NUMA1: variants seen among roughly 807,000 people sequenced by gnomAD.
The protein encoded by NUMA1 is nuclear mitotic apparatus protein 1, also known as SP-H antigen.
In NUMA1, 62 loss-of-function variants were observed where a neutral mutation model predicts 237.1. The observed-to-expected ratio is 0.26, with a 90% CI of 0.21 to 0.32. NUMA1 has a LOEUF of 0.32. Ranked by LOEUF, NUMA1 falls within the 10% of genes least tolerant of loss-of-function variation. NUMA1 has a pLI of 1.00. For missense variants in NUMA1, 2,533 were observed against 2,666.5 expected, an observed-to-expected ratio of 0.95 and a Z score of 1.10; for synonymous variants, 1,028 against 1,066.1, an observed-to-expected ratio of 0.96 and a Z score of 0.70.
chr11:72,045,810 A>G (rs1016440898), intron 2 of NUMA1, among the ~76,000 whole-genome samples: 4 of 152,172 alleles, frequency 2.6e-5, no homozygotes, highest in African/African-American at 7.2e-5. Context: ...GGCATTATCA[A>G]TGCTCCAGAA....
chr11:72,050,267 C>G (rs1220097278), intron 2 of NUMA1, among the ~76,000 whole-genome samples: 1 of 152,194 alleles, frequency 6.6e-6, no homozygotes, highest in Admixed American at 6.5e-5. Flanking sequence ...TTCTCCTCCC[C>G]ACCTCTCTAC....
chr11:72,022,509 T>C, intron 6 of NUMA1, 90 bp from the exon 7 acceptor site: 2 of 799,280 alleles, frequency 2.5e-6, no homozygotes, highest in Non-Finnish European at 4.2e-6. Context: ...TCTGAGCTAT[T>C]CCGGTGACTC....
At chr11:72,035,812 A>G (rs1940958938) in intron 3 of NUMA1, 90 bp downstream of exon 3, 1 of 1,168,100 alleles carries the variant, frequency 8.6e-7, no homozygotes. Context: ...AGAAGACTTT[A>G]CATAGCCCTG....
At chr11:72,051,185 G>A (rs962143683) in intron 2 of NUMA1, among the ~76,000 whole-genome samples, 9 of 152,034 alleles carry the variant, frequency 5.9e-5, no homozygotes, top group African/African-American at 2.2e-4. Context: ...CCACCGTGCT[G>A]TCCTATCCAC....
chr11:72,069,435 T>C (rs1391493717), intron 2 of NUMA1, among the ~76,000 whole-genome samples: 1 of 152,130 alleles, frequency 6.6e-6, no homozygotes, highest in Non-Finnish European at 1.5e-5. Flanking sequence ...GCTTCTCACT[T>C]CCTTCACTCC....
intron 1 of NUMA1, among the ~76,000 whole-genome samples, chr11:72,075,738 T>A (rs1350830573): frequency 1.3e-5 from 2 of 152,240 alleles, no homozygotes; most frequent in African/African-American, 4.8e-5. Flanking sequence ...GAGTTCACTC[T>A]ATTGTGTGGT....
At chr11:72,031,353 A>T (rs1290139729) in intron 3 of NUMA1, among the ~76,000 whole-genome samples, 1 of 152,168 alleles carries the variant, frequency 6.6e-6, no homozygotes, top group Non-Finnish European at 1.5e-5. Context: ...TGGTTAATAA[A>T]ATTAAAATAA....
intron 2 of NUMA1, among the ~76,000 whole-genome samples, chr11:72,043,357 CT>C (rs35559801): frequency 0.84 from 88,761 of 105,600 alleles, 38,086 homozygotes; most frequent in Non-Finnish European, 0.94. Context: ...AGGCGGAGTT[CT>C]TTTTTTTTTT....
At chr11:72,007,585 G>A (rs2134555368) in intron 20 of NUMA1, 150 bp from the exon 21 acceptor site, 2 of 975,264 alleles carry the variant, frequency 2.1e-6, no homozygotes, top group East Asian at 2.6e-5. Flanking sequence ...ACCAAGGAAA[G>A]CACTTGACCT....
intron 26 of NUMA1, 117 bp from the exon 27 acceptor site, chr11:72,003,655 C>G: frequency 7.3e-7 from 1 of 1,367,224 alleles, no homozygotes; most frequent in African/African-American, 1.4e-5. Flanking sequence ...CCCTTGTGAG[C>G]CCCAGGGTTA....
chr11:72,051,041 C>A (rs533823631), intron 2 of NUMA1, among the ~76,000 whole-genome samples: 1 of 152,198 alleles, frequency 6.6e-6, no homozygotes, highest in East Asian at 1.9e-4. Flanking sequence ...CAGGCACGCG[C>A]CACCACGCCT....
rs568801414 is a variant in NUMA1 at position 72,031,788 on chromosome 11, T to C, written c.43-2498A>G. 6.1e-4 allele frequency among the ~76,000 whole-genome samples: 92 copies of C among 152,064 alleles called. 1 individual carries two copies. The highest frequency in any genetic ancestry group is 1.1e-3 in the Non-Finnish European group (77 of 67,972). On this transcript the variant is annotated intron_variant, in intron 3 of 26. Transcript: ENST00000393695. ...ATGATCACACCACTGCACTCTAGCC[T>C]GGCCAACGGATTGAGACCCTGTCTC...
chr11:72,040,445 T>TACACACACAC (rs66621771), intron 2 of NUMA1, among the ~76,000 whole-genome samples: 5 of 136,466 alleles, frequency 3.7e-5, no homozygotes, highest in Admixed American at 2.9e-4. Context: ...CGCGTACACA[T>TACACACACAC]ACACACACAC....
At position 72,060,814 on chromosome 11, in the gene NUMA1, T is replaced by C. The variant is rs993414444; in HGVS notation, c.-33+9028A>G. 8.3e-4 allele frequency among the ~76,000 whole-genome samples: 126 copies of C among 152,158 alleles called. 2 individuals are homozygous for C. The highest frequency in any genetic ancestry group is 8.2e-3 in the Admixed American group (125 of 15,272). On this transcript the variant is annotated intron_variant, in intron 2 of 26. Transcript: ENST00000393695. Reference sequence around the variant, plus strand: ...GGCTAGGCACGGTAGCCCACACCTGTAATCCCAGCATTTTGGGAGGCCGAG... The same window carrying C: ...GGCTAGGCACGGTAGCCCACACCTGCAATCCCAGCATTTTGGGAGGCCGAG...
In NUMA1 at chr11:72,003,316, T is replaced by C; in HGVS notation, c.*211A>G. ...CAAGGTAGGGAGAGCGCCCACACTG[T>C]CCATGCTCCAGGCCCCCTGGGCCAG... is the stretch of plus-strand genomic sequence containing the variant. On this transcript the variant is annotated 3_prime_UTR_variant, in exon 27 of 27. Coordinates refer to ENST00000393695, the MANE Select transcript of NUMA1 (RefSeq NM_006185.4). 5.0e-6 allele frequency: 3 copies of C among 602,694 alleles called. No homozygotes were observed. Among genetic ancestry groups the C allele is most frequent in the Non-Finnish European group, 9.0e-6 (3 of 332,660 alleles). 37.3% of individuals were successfully genotyped at this position (602,694 alleles called of 1,614,324 possible). A position where few individuals can be genotyped will look rare whatever the true frequency, so the allele number is the denominator to read the frequency against.
At position 72,013,569 on chromosome 11, in the gene NUMA1, G is replaced by A. The variant is rs769545751; in HGVS notation, c.3934C>T (p.Arg1312Trp). 1 of 1,613,292 alleles carries A rather than the reference G, an allele frequency of 6.2e-7. No homozygotes were observed. Among genetic ancestry groups the A allele is most frequent in the Non-Finnish European group, 8.5e-7 (1 of 1,179,996 alleles). Residue 1312 changes from arginine to tryptophan, a missense_variant, in exon 15 of 27, where the codon CGG (arginine) becomes TGG (tryptophan). Physicochemically the swap from Arg to Trp is moderately radical, Grantham distance 101. This residue lies in a region of NUMA1 where 324 missense variants were observed against 407.6 expected (regional missense o/e 0.79). Transcript: ENST00000393695. The surrounding 1 kb of genome is among the most constrained non-coding windows in gnomAD (Gnocchi z 6.8). ...TCAGCCTGTGAGGTCAGCTCCTGCC[G>A]CAGGTTCTCTGAAGCCACCCGCTGT... ...EKQRVASENLRQELTSQAERA... is the reference protein window; with the variant it reads ...EKQRVASENLWQELTSQAERA...
At chr11:72,033,741 C>T (rs1408945594) in intron 3 of NUMA1, among the ~76,000 whole-genome samples, 2 of 152,092 alleles carry the variant, frequency 1.3e-5, no homozygotes, top group Non-Finnish European at 2.9e-5. Flanking sequence ...TAGTCTTAGG[C>T]CAGGCGCAGT....
intron 1 of NUMA1, among the ~76,000 whole-genome samples, chr11:72,073,048 C>CAAAAA (rs71052849): frequency 2.6e-5 from 1 of 38,976 alleles, no homozygotes; most frequent in African/African-American, 1.1e-4. Flanking sequence ...GACTCCGTCT[C>CAAAAA]AAAAAAAAAA....
At chr11:72,072,849 T>C (rs1380528160) in intron 1 of NUMA1, among the ~76,000 whole-genome samples, 3 of 151,764 alleles carry the variant, frequency 2.0e-5, no homozygotes, top group Non-Finnish European at 2.9e-5. Context: ...TGTCAGGAGA[T>C]AGAGACCACG....
Sources: gnomAD v4.1 joint callset for allele counts (sites outside exome capture counted in the v4.1 genomes callset) on GRCh38, gnomAD v4.1.1 for gene constraint, gnomAD v4.1.1 regional missense constraint, Gnocchi (gnomAD v3.1) non-coding constraint, MANE v1.5 for transcripts, NCBI Gene and HGNC (gene_info 2026-07-23, HGNC 2026-07-21) for gene names.